Variants in ZNF385D observed in about 807,000 individuals in gnomAD.
The protein encoded by ZNF385D is zinc finger protein 659.
A neutral mutation model predicts 35.8 loss-of-function variants in ZNF385D; 15 were observed. The observed-to-expected ratio is 0.42, with a 90% CI of 0.28 to 0.64. The LOEUF (loss-of-function observed/expected upper bound fraction) is 0.64, where lower values mean the gene tolerates loss of function less well. ZNF385D is among the 30% of genes least tolerant of loss of function. The pLI is 0.23. For synonymous variants in ZNF385D, 212 were observed against 186.8 expected (o/e 1.13, Z -1.10); for missense variants, 474 against 494.6 (o/e 0.96, Z 0.39).
chr3:21,982,816 G>GT (rs1368708995), intron 3 of ZNF385D, among the ~76,000 whole-genome samples: 1 of 101,148 alleles, frequency 9.9e-6, no homozygotes, highest in Admixed American at 8.1e-5. Context: ...TTTATTGAAA[G>GT]CCTTTTTTTT....
intron 3 of ZNF385D, among the ~76,000 whole-genome samples, chr3:21,863,383 A>C (rs1444620486): frequency 6.6e-6 from 1 of 152,156 alleles, no homozygotes; most frequent in African/African-American, 2.4e-5. Context: ...CACTGTAGGC[A>C]GTCATTATTT....
At chr3:22,098,396 T>C (rs959604960) in intron 3 of ZNF385D, among the ~76,000 whole-genome samples, 9 of 152,034 alleles carry the variant, frequency 5.9e-5, no homozygotes, top group Admixed American at 6.6e-5. Flanking sequence ...ATTTTATCAA[T>C]TTAGTGTTTA....
intron 4 of ZNF385D, among the ~76,000 whole-genome samples, chr3:21,440,818 T>A (rs1413711212): frequency 6.6e-6 from 1 of 152,152 alleles, no homozygotes; most frequent in Non-Finnish European, 1.5e-5. Context: ...TGTAGAATCA[T>A]AATCAGAAAG....
At chr3:21,797,124 G>A (rs2072189905) in intron 3 of ZNF385D, among the ~76,000 whole-genome samples, 1 of 152,118 alleles carries the variant, frequency 6.6e-6, no homozygotes, top group African/African-American at 2.4e-5. Flanking sequence ...AATATACAAA[G>A]AACTATTCAA....
rs1452018627 is a variant in ZNF385D, at chr3:21,643,734, A to C, written c.165+21152T>G. 3.9e-5 allele frequency among the ~76,000 whole-genome samples: 6 copies of C among 152,192 alleles called. No individual in the cohort carries two copies. The East Asian group carries it at 1.2e-3, about 30-fold the overall frequency. On this transcript the variant is annotated intron_variant, in intron 2 of 7. Coordinates refer to ENST00000281523, the MANE Select transcript of ZNF385D (RefSeq NM_024697.3). ...TTCAAAACACTTAATGATGTGTAGA[A>C]ATGGCTGAAAGTGAGGTGATCCGCC...
intron 2 of ZNF385D, among the ~76,000 whole-genome samples, chr3:21,595,957 C>T (rs1309138268): frequency 6.6e-6 from 1 of 152,164 alleles, no homozygotes; most frequent in Admixed American, 6.5e-5. Flanking sequence ...AAGCACAATA[C>T]CTAATGCTTA....
intron 3 of ZNF385D, among the ~76,000 whole-genome samples, chr3:21,940,044 T>C: frequency 6.6e-6 from 1 of 152,222 alleles, no homozygotes; most frequent in Middle Eastern, 3.2e-3. Context: ...CATGCCTCAC[T>C]TCTTTCCAGT....
rs1699673086 is a variant in ZNF385D, at chr3:22,244,545, AAAATGAGATGCTTAG to A, written c.107-75525_107-75511del. On this transcript the variant is annotated intron_variant, in intron 2 of 5. Transcript: ENST00000494108. Reference sequence around the variant, plus strand: ...ACTTTGAATTGGTATGATCAAATCCAAAATGAGATGCTTAGAATGATTAATATTTAATGTCCCTTT... The same window carrying A: ...ACTTTGAATTGGTATGATCAAATCCAAATGATTAATATTTAATGTCCCTTT... Among the ~76,000 whole-genome samples the A allele has an allele frequency of 1.3e-5, 2 of 150,962 alleles. 1 individual carries two copies. The highest frequency in any genetic ancestry group is 4.3e-4 in the South Asian group (2 of 4,656).
intron 3 of ZNF385D, among the ~76,000 whole-genome samples, chr3:22,145,488 A>C (rs1270467335): frequency 6.6e-6 from 1 of 152,234 alleles, no homozygotes; most frequent in Non-Finnish European, 1.5e-5. Flanking sequence ...TTGCCTATGA[A>C]GGCAATTTAG....
chr3:22,270,752 A>G (rs570323086), intron 2 of ZNF385D, among the ~76,000 whole-genome samples: 9 of 152,118 alleles, frequency 5.9e-5, no homozygotes, highest in African/African-American at 2.2e-4. Context: ...TACCTCTTGA[A>G]TAAGTCGTAG....
chr3:22,045,543 G>C (rs1199553956), intron 3 of ZNF385D, among the ~76,000 whole-genome samples: 1 of 152,080 alleles, frequency 6.6e-6, no homozygotes, highest in African/African-American at 2.4e-5. Context: ...AAGGTATTTA[G>C]AAATTCAGGT....
chr3:22,139,822 A>G (rs372149315), intron 3 of ZNF385D, among the ~76,000 whole-genome samples: 12 of 152,352 alleles, frequency 7.9e-5, no homozygotes, highest in South Asian at 2.1e-4. Context: ...AGCAAACAAC[A>G]AAACACATGA....
rs374477926 is a variant in ZNF385D, at chr3:21,631,020, T to C, written c.165+33866A>G. On this transcript the variant is annotated intron_variant, in intron 2 of 7. Coordinates refer to ENST00000281523, the MANE Select transcript of ZNF385D (RefSeq NM_024697.3). Reference sequence around the variant, plus strand: ...AGATACCAGGGAACAACTTTTCAACTCATATGAGGGAATGTTCTAAAAGGA... The same window carrying C: ...AGATACCAGGGAACAACTTTTCAACCCATATGAGGGAATGTTCTAAAAGGA... Among the ~76,000 whole-genome samples, 28 of 152,208 alleles carry C rather than the reference T, an allele frequency of 1.8e-4. 2 individuals carry two copies. The East Asian group carries it at 5.2e-3, about 28-fold the overall frequency.
chr3:21,599,263 G>T (rs994320627), intron 2 of ZNF385D, among the ~76,000 whole-genome samples: 6 of 152,132 alleles, frequency 3.9e-5, no homozygotes, highest in African/African-American at 1.2e-4. Flanking sequence ...ATTCCAGAAA[G>T]ATCTTTTGAG....
intron 2 of ZNF385D, among the ~76,000 whole-genome samples, chr3:21,600,542 A>T (rs1404648591): frequency 6.6e-6 from 1 of 152,188 alleles, no homozygotes; most frequent in Non-Finnish European, 1.5e-5. Context: ...ATCACTCCAT[A>T]TTGCTGATTC....
At chr3:21,775,864 GAC>G (rs1157393486) in intron 3 of ZNF385D, among the ~76,000 whole-genome samples, 4 of 151,580 alleles carry the variant, frequency 2.6e-5, no homozygotes, top group African/African-American at 9.7e-5. Context: ...ATAAAATTAA[GAC>G]ATGCTCTTTT....
intron 3 of ZNF385D, among the ~76,000 whole-genome samples, chr3:22,111,259 A>C (rs1486371585): frequency 6.9e-6 from 1 of 145,402 alleles, no homozygotes; most frequent in Non-Finnish European, 1.5e-5. Flanking sequence ...ACTTACGAGT[A>C]TTCAAGAAAA....
intron 3 of ZNF385D, among the ~76,000 whole-genome samples, chr3:22,032,665 C>A (rs1698073788): frequency 6.6e-6 from 1 of 152,100 alleles, no homozygotes; most frequent in Non-Finnish European, 1.5e-5. Context: ...TACACACTGA[C>A]AAGTACTAAA....
intron 4 of ZNF385D, among the ~76,000 whole-genome samples, chr3:21,482,244 A>G (rs968395371): frequency 6.6e-6 from 1 of 151,876 alleles, no homozygotes; most frequent in African/African-American, 2.4e-5. Flanking sequence ...TCAATTCTCT[A>G]AATCAGGAGT....
Sources: allele counts gnomAD v4.1 joint callset (sites outside exome capture counted in the v4.1 genomes callset), GRCh38; gene constraint gnomAD v4.1.1; transcripts MANE v1.5; gene names NCBI Gene and HGNC (gene_info 2026-07-23, HGNC 2026-07-21).